RBFOX1: variants seen among roughly 807,000 people sequenced by gnomAD.
The protein encoded by RBFOX1 is RNA binding fox-1 homolog 1, also known as RNA binding protein fox-1 homolog 1.
RBFOX1 carries 8 observed loss-of-function variants against 57.7 expected under a neutral mutation model. The observed-to-expected ratio is 0.14, with a 90% confidence interval of 0.08 to 0.25. The LOEUF is 0.25. RBFOX1 is among the 10% of genes least tolerant of loss of function. The pLI, the probability that RBFOX1 is intolerant of heterozygous loss-of-function variation, is 1.00. For synonymous variants in RBFOX1, 326 were observed against 222.4 expected (o/e 1.47, Z -4.15); for missense variants, 611 against 548.5 (o/e 1.11, Z -1.14).
intron 3 of RBFOX1, among the ~76,000 whole-genome samples, chr16:5,797,944 A>G (rs1455691222): frequency 6.6e-6 from 1 of 152,188 alleles, no homozygotes; most frequent in African/African-American, 2.4e-5. Flanking sequence ...CATAGAAGAG[A>G]TGCTCAGTAA....
intron 4 of RBFOX1, among the ~76,000 whole-genome samples, chr16:7,418,497 C>G (rs976527754): frequency 6.6e-6 from 1 of 152,142 alleles, no homozygotes; most frequent in Non-Finnish European, 1.5e-5. Context: ...GTGTCTCTGC[C>G]TGACACAACA....
At chr16:6,333,845 A>G (rs1385557646) in intron 2 of RBFOX1, among the ~76,000 whole-genome samples, 2 of 152,224 alleles carry the variant, frequency 1.3e-5, no homozygotes, top group Non-Finnish European at 2.9e-5. Flanking sequence ...GTGATTTTTC[A>G]TATCACTAGA....
chr16:6,898,887 C>G (rs111208322), intron 3 of RBFOX1, among the ~76,000 whole-genome samples: 3 of 102,716 alleles, frequency 2.9e-5, no homozygotes, highest in African/African-American at 1.5e-4. Flanking sequence ...GTGTATAATA[C>G]GTGTGTGCAT....
At chr16:7,126,261 CGT>C in intron 4 of RBFOX1, 1 of 274,268 alleles carries the variant, frequency 3.6e-6, no homozygotes, top group Non-Finnish European at 7.1e-6. Flanking sequence ...TCCAGAGTAT[CGT>C]GTGTCTTCAG....
chr16:6,687,893 T>C (rs1447253140), intron 3 of RBFOX1, among the ~76,000 whole-genome samples: 5 of 152,198 alleles, frequency 3.3e-5, no homozygotes, highest in Admixed American at 6.5e-5. Flanking sequence ...ACACAGTGAA[T>C]GCATGTTATT....
At chr16:5,253,014 G>A (rs577494965) in intron 1 of RBFOX1, among the ~76,000 whole-genome samples, 2 of 152,218 alleles carry the variant, frequency 1.3e-5, no homozygotes, top group Admixed American at 6.5e-5. Flanking sequence ...ATTCATCAGC[G>A]TGAGGGGTTC....
At chr16:6,202,139 T>A (rs2097219485) in intron 1 of RBFOX1, among the ~76,000 whole-genome samples, 1 of 152,290 alleles carries the variant, frequency 6.6e-6, no homozygotes, top group East Asian at 1.9e-4. Context: ...CATTAACCAG[T>A]TTCTAACGGA....
intron 3 of RBFOX1, among the ~76,000 whole-genome samples, chr16:6,801,974 C>T (rs1317702074): frequency 6.6e-6 from 1 of 151,986 alleles, no homozygotes; most frequent in Non-Finnish European, 1.5e-5. Context: ...GGGGTGATTA[C>T]CCTTATCTTG....
intron 3 of RBFOX1, among the ~76,000 whole-genome samples, chr16:6,842,486 A>C (rs548859727): frequency 6.6e-6 from 1 of 152,062 alleles, no homozygotes; most frequent in Non-Finnish European, 1.5e-5. Flanking sequence ...GTTTGTTTAG[A>C]AAAACCAAAT....
intron 4 of RBFOX1, among the ~76,000 whole-genome samples, chr16:7,332,050 A>AAATAAAGAAT: frequency 6.6e-6 from 1 of 152,204 alleles, no homozygotes; most frequent in East Asian, 1.9e-4. Flanking sequence ...TGAAAGCTCA[A>AAATAAAGAAT]AATAAAGAAT....
chr16:5,445,208 G>A (rs1289227913), intron 1 of RBFOX1, among the ~76,000 whole-genome samples: 8 of 152,200 alleles, frequency 5.3e-5, no homozygotes, highest in African/African-American at 2.4e-5. Context: ...TATTGTGAGG[G>A]ACGTGGGAGT....
At chr16:6,748,110 C>G (rs1356884843) in intron 3 of RBFOX1, among the ~76,000 whole-genome samples, 2 of 151,986 alleles carry the variant, frequency 1.3e-5, no homozygotes, top group African/African-American at 4.8e-5. Context: ...TAATTATTAT[C>G]TGGTAGGATC....
At chr16:7,028,677 C>G (rs954037371) in intron 3 of RBFOX1, among the ~76,000 whole-genome samples, 2 of 149,218 alleles carry the variant, frequency 1.3e-5, no homozygotes, top group Non-Finnish European at 3.0e-5. Context: ...TGAAATGTTC[C>G]CAAAGGATAT....
intron 13 of RBFOX1, among the ~76,000 whole-genome samples, chr16:7,671,211 T>A (rs1189512428): frequency 1.3e-5 from 2 of 152,222 alleles, no homozygotes; most frequent in African/African-American, 4.8e-5. Context: ...AATCATGAGA[T>A]AAAGAGATGA....
At chr16:6,781,490 G>T (rs570245826) in intron 3 of RBFOX1, among the ~76,000 whole-genome samples, 2 of 152,048 alleles carry the variant, frequency 1.3e-5, no homozygotes, top group Non-Finnish European at 2.9e-5. Flanking sequence ...AGAATAGTTT[G>T]AATAGAATTG....
chr16:6,118,383 T>C (rs1026356002), intron 1 of RBFOX1, among the ~76,000 whole-genome samples: 2 of 152,180 alleles, frequency 1.3e-5, no homozygotes, highest in African/African-American at 4.8e-5. Flanking sequence ...TTATGGAGGA[T>C]GGAAAGTCCA....
intron 2 of RBFOX1, among the ~76,000 whole-genome samples, chr16:6,506,595 A>G (rs1402285328): frequency 7.0e-6 from 1 of 143,880 alleles, no homozygotes; most frequent in Non-Finnish European, 1.5e-5. Flanking sequence ...ATTTGTCAGT[A>G]TAAACGGTAA....
intron 2 of RBFOX1, among the ~76,000 whole-genome samples, chr16:6,482,338 A>G (rs1199197200): frequency 1.3e-5 from 2 of 152,350 alleles, no homozygotes; most frequent in East Asian, 3.9e-4. Flanking sequence ...AAGGAAAAAG[A>G]ACAAATTAGT....
chr16:5,301,693 A>G (rs2063811740), intron 1 of RBFOX1, among the ~76,000 whole-genome samples: 1 of 151,776 alleles, frequency 6.6e-6, no homozygotes, highest in South Asian at 2.1e-4. Flanking sequence ...TCCTTAGCAA[A>G]TCCTTGAGAT....
Sources: gnomAD v4.1 joint callset for allele counts (sites outside exome capture counted in the v4.1 genomes callset) on GRCh38, gnomAD v4.1.1 for gene constraint, MANE v1.5 for transcripts, NCBI Gene and HGNC (gene_info 2026-07-23, HGNC 2026-07-21) for gene names.